Variants in KIF11 observed in about 807,000 individuals in gnomAD.
KIF11 encodes the protein kinesin-like protein KIF11.
Under a neutral mutation model 121.0 loss-of-function variants are expected in KIF11, and 9 were observed. That is an observed-to-expected ratio of 0.07 (90% CI 0.04 to 0.13). KIF11 has a LOEUF of 0.13. Among genes scored for constraint, KIF11 ranks in the 10% least tolerant of loss-of-function variants. KIF11 has a pLI of 1.00. For missense variants in KIF11, 846 were observed against 1,217.5 expected, an observed-to-expected ratio of 0.69 and a Z score of 4.54; for synonymous variants, 408 against 421.0, an observed-to-expected ratio of 0.97 and a Z score of 0.38.
chr10:92,649,531 A>AT (rs1055165784), intron 19 of KIF11, among the ~76,000 whole-genome samples: 12 of 152,094 alleles, frequency 7.9e-5, no homozygotes, highest in South Asian at 2.1e-4. Flanking sequence ...TAATGCTGCC[A>AT]TTTTTTTCAG....
At chr10:92,636,294 C>G (rs1481082979) in intron 14 of KIF11, among the ~76,000 whole-genome samples, 1 of 151,998 alleles carries the variant, frequency 6.6e-6, no homozygotes, top group Non-Finnish European at 1.5e-5. Context: ...TGTCATTTTC[C>G]TCTTTTGAAT....
chr10:92,609,011 T>C lies in KIF11; in HGVS notation c.388-9T>C. ...TCTTCCTTTATATTAGTCCTTATTATAATTTCAGGATCCCTTGGCTGGTAT... is the reference window on the plus strand; with the variant it reads ...TCTTCCTTTATATTAGTCCTTATTACAATTTCAGGATCCCTTGGCTGGTAT... On this transcript the variant is annotated splice_polypyrimidine_tract_variant and intron_variant, in intron 4 of 21. Coordinates refer to ENST00000260731, the MANE Select transcript of KIF11 (RefSeq NM_004523.4). The C allele has an allele frequency of 6.7e-7, 1 of 1,485,062 alleles. No individual in the cohort carries two copies. The highest frequency in any genetic ancestry group is 9.0e-7 in the Non-Finnish European group (1 of 1,106,780). The allele number at this position is 1,485,062 out of a possible 1,614,324, so 92.0% of individuals were successfully genotyped here.
At chr10:92,638,571 T>G (rs990067336) in intron 16 of KIF11, among the ~76,000 whole-genome samples, 1 of 152,280 alleles carries the variant, frequency 6.6e-6, no homozygotes, top group African/African-American at 2.4e-5. Flanking sequence ...AAAAAAACAA[T>G]ACAAAAAAAT....
rs1491391031 is a variant in KIF11, at chr10:92,614,065, C to CACACACACACACACACAT, written c.1032+447_1032+448insCACACACACACACACATA. On this transcript the variant is annotated intron_variant, in intron 8 of 21. Transcript: ENST00000260731. ...ACACACACACACACACACACACACA[C>CACACACACACACACACAT]ATATAGTAGGGAAAAAAAGTTCATT... is the stretch of plus-strand genomic sequence containing the variant. Among the ~76,000 whole-genome samples the CACACACACACACACACAT allele has an allele frequency of 9.1e-4, 106 of 116,526 alleles. 1 individual carries two copies. The highest frequency in any genetic ancestry group is 3.6e-3 in the African/African-American group (103 of 28,312). 76.4% of individuals were successfully genotyped at this position (116,526 alleles called of 152,430 possible).
intron 18 of KIF11, among the ~76,000 whole-genome samples, chr10:92,646,710 C>G (rs981542417): frequency 1.3e-5 from 2 of 152,226 alleles, no homozygotes; most frequent in East Asian, 3.9e-4. Context: ...TAAAACATAT[C>G]AAATATATTA....
Position 92,613,997 on chromosome 10 carries a change from TAAAA to T in KIF11, c.1032+384_1032+387del, listed in dbSNP as rs1194785968. Among the ~76,000 whole-genome samples, 1 of 117,914 alleles carries T rather than the reference TAAAA, an allele frequency of 8.5e-6. No homozygotes were observed. The highest frequency in any genetic ancestry group is 1.8e-5 in the Non-Finnish European group (1 of 56,320). 77.4% of individuals were successfully genotyped at this position (117,914 alleles called of 152,430 possible). ...TCTCAAAAAAAAAAAAGTATGTGTATAAAAAAAAAGAAAAGTATGTGTATACACA... is the reference window on the plus strand; with the variant it reads ...TCTCAAAAAAAAAAAAGTATGTGTATAAAAAGAAAAGTATGTGTATACACA... On this transcript the variant is annotated intron_variant, in intron 8 of 21. Coordinates refer to ENST00000260731, the MANE Select transcript of KIF11 (RefSeq NM_004523.4). This position sits in a 1 kb window ranked among gnomAD's most constrained non-coding sequence, Gnocchi z 4.2.
chr10:92,606,858 G>C (rs1844435933), intron 3 of KIF11, 142 bp downstream of exon 3: 1 of 638,086 alleles, frequency 1.6e-6, no homozygotes, highest in East Asian at 2.7e-5. Flanking sequence ...GCTCACTGCA[G>C]CCTCTGCCTC....
intron 21 of KIF11, 72 bp downstream of exon 21, chr10:92,650,589 T>G: frequency 1.1e-6 from 1 of 884,880 alleles, no homozygotes; most frequent in East Asian, 2.4e-5. Flanking sequence ...AAAGGTATTG[T>G]TCGTGGTGAG....
intron 21 of KIF11, among the ~76,000 whole-genome samples, chr10:92,651,524 T>G (rs1366485795): frequency 2.5e-5 from 2 of 80,472 alleles, no homozygotes; most frequent in Non-Finnish European, 4.5e-5. Flanking sequence ...TTTTTTTTTT[T>G]TTTTTTTTTT....
At chr10:92,624,504 A>C (rs919112656) in intron 10 of KIF11, among the ~76,000 whole-genome samples, 3 of 151,596 alleles carry the variant, frequency 2.0e-5, no homozygotes, top group Admixed American at 6.6e-5. Flanking sequence ...ATCCTGGCGT[A>C]CTGGGATTAC....
chr10:92,614,894 C>A (rs1844537083), intron 8 of KIF11, among the ~76,000 whole-genome samples: 1 of 152,102 alleles, frequency 6.6e-6, no homozygotes, highest in Non-Finnish European at 1.5e-5. Context: ...GTGATTCCCC[C>A]AACCACAGCC....
rs536137672 is a variant in KIF11 at position 92,602,962 on chromosome 10, C to T, written c.78-3303C>T. On this transcript the variant is annotated intron_variant, in intron 1 of 21. Transcript: ENST00000260731. Reference sequence around the variant, plus strand: ...CCTCTGCCTCCCGGTTCAAGCGATTCTCCTGTCTCAGCCTCCAGAGTAGCT... The same window carrying T: ...CCTCTGCCTCCCGGTTCAAGCGATTTTCCTGTCTCAGCCTCCAGAGTAGCT... Among the ~76,000 whole-genome samples the T allele has an allele frequency of 7.9e-5, 12 of 151,516 alleles. No individual in the cohort carries two copies. In the South Asian group the frequency reaches 2.3e-3, roughly 29 times the overall value.
At chr10:92,622,838 T>TA (rs143374937) in intron 10 of KIF11, among the ~76,000 whole-genome samples, 6,582 of 152,086 alleles carry the variant, frequency 0.043, 178 homozygotes, top group Admixed American at 0.064. Context: ...TCAGGAAACT[T>TA]ACAATCCTGG....
At chr10:92,615,472 A>T (rs1180114779) in intron 8 of KIF11, among the ~76,000 whole-genome samples, 2 of 152,112 alleles carry the variant, frequency 1.3e-5, no homozygotes, top group Non-Finnish European at 2.9e-5. Flanking sequence ...CTTTGTTGAG[A>T]TTTAATTCAC....
Position 92,606,292 on chromosome 10 carries a change from T to C in KIF11, c.105T>C (p.Ala35=), listed in dbSNP as rs759170504. 28 of 1,604,490 alleles carry C rather than the reference T, an allele frequency of 1.7e-5. No individual in the cohort carries two copies. The Middle Eastern group carries it at 6.6e-4, about 38-fold the overall frequency. Residue 35 remains alanine, a synonymous_variant, in exon 2 of 22, where the codon GCT becomes GCC. Coordinates refer to ENST00000260731, the MANE Select transcript of KIF11 (RefSeq NM_004523.4). ...CATTTAATTTGGCAGAGCGGAAAGCTAGCGCCCATTCAATAGTAGAATGTG... is the reference window on the plus strand; with the variant it reads ...CATTTAATTTGGCAGAGCGGAAAGCCAGCGCCCATTCAATAGTAGAATGTG... ...CRPFNLAERK[A]SAHSIVECDP... is the part of the protein sequence containing the mutation.
chr10:92,593,684 TTAAAC>T (rs375039281), intron 1 of KIF11, among the ~76,000 whole-genome samples: 2 of 152,222 alleles, frequency 1.3e-5, no homozygotes, highest in South Asian at 2.1e-4. Flanking sequence ...GTTCTTATGT[TTAAAC>T]TATAGTCAAT....
At chr10:92,627,013 C>G (rs1409913537) in intron 10 of KIF11, among the ~76,000 whole-genome samples, 1 of 152,182 alleles carries the variant, frequency 6.6e-6, no homozygotes, top group African/African-American at 2.4e-5. Flanking sequence ...CTTCCCGCCT[C>G]GGCCTCCCAA....
intron 19 of KIF11, among the ~76,000 whole-genome samples, chr10:92,649,470 A>T (rs921281002): frequency 6.6e-6 from 1 of 152,198 alleles, no homozygotes; most frequent in African/African-American, 2.4e-5. Context: ...ATTTATAGTG[A>T]AATGATTACT....
intron 12 of KIF11, among the ~76,000 whole-genome samples, chr10:92,630,836 C>A (rs1844729368): frequency 7.9e-6 from 1 of 126,226 alleles, no homozygotes. Context: ...CATTGCACTC[C>A]AGCCTGGGCA....
Sources: allele counts gnomAD v4.1 joint callset (sites outside exome capture counted in the v4.1 genomes callset), GRCh38; gene constraint gnomAD v4.1.1; non-coding constraint Gnocchi (gnomAD v3.1); transcripts MANE v1.5; gene names NCBI Gene and HGNC (gene_info 2026-07-23, HGNC 2026-07-21).